The following DLG2 variants were observed in gnomAD, a reference collection of about 807,000 sequenced individuals.
DLG2 encodes discs large MAGUK scaffold protein 2, also known as disks large homolog 2.
Under a neutral mutation model 132.5 loss-of-function variants are expected in DLG2, and 45 were observed. The observed-to-expected ratio is 0.34, with a 90% CI of 0.27 to 0.44. The LOEUF (loss-of-function observed/expected upper bound fraction) is 0.44, where lower values mean the gene tolerates loss of function less well. DLG2 is among the 20% of genes least tolerant of loss of function. The pLI is 1.00. For missense variants in DLG2, 1,045 were observed against 1,196.9 expected (o/e 0.87, Z 1.87); for synonymous variants, 424 against 419.6 (o/e 1.01, Z -0.13).
chr11:84,960,663 T>C (rs953837808), intron 6 of DLG2, among the ~76,000 whole-genome samples: 10 of 152,082 alleles, frequency 6.6e-5, no homozygotes, highest in Admixed American at 2.6e-4. Context: ...GGTCTCAAAC[T>C]CCTGAGCTCA....
chr11:85,488,692 G>A (rs894097045), intron 3 of DLG2, among the ~76,000 whole-genome samples: 3 of 152,138 alleles, frequency 2.0e-5, no homozygotes, highest in Non-Finnish European at 2.9e-5. Flanking sequence ...AGAAGAGAAT[G>A]GAATGACATA....
At chr11:83,461,826 G>T in intron 27 of DLG2, 176 bp downstream of exon 27, 2 of 563,164 alleles carry the variant, frequency 3.6e-6, no homozygotes, top group Admixed American at 2.9e-5. Flanking sequence ...GAGAACCCAG[G>T]GTTTTACATC....
At chr11:84,327,710 T>TC (rs2098439417) in intron 7 of DLG2, among the ~76,000 whole-genome samples, 2 of 152,156 alleles carry the variant, frequency 1.3e-5, no homozygotes, top group African/African-American at 2.4e-5. Flanking sequence ...CTTTTACTCT[T>TC]CCCCCCACAT....
At chr11:83,707,797 A>G (rs552783886) in intron 18 of DLG2, among the ~76,000 whole-genome samples, 1 of 152,352 alleles carries the variant, frequency 6.6e-6, no homozygotes, top group South Asian at 2.1e-4. Flanking sequence ...ACCCTGTCTT[A>G]ATCATCTTTA....
intron 3 of DLG2, among the ~76,000 whole-genome samples, chr11:85,470,353 A>G (rs1157533603): frequency 6.6e-6 from 1 of 152,194 alleles, no homozygotes. Context: ...TTTATGAGCT[A>G]GGCCACAAAG....
intron 6 of DLG2, among the ~76,000 whole-genome samples, chr11:85,098,182 G>A (rs1229780524): frequency 6.6e-6 from 1 of 152,186 alleles, no homozygotes; most frequent in Non-Finnish European, 1.5e-5. Context: ...AGTAAGCAGT[G>A]GAGATAGGAT....
chr11:84,120,198 A>C (rs1304244695), intron 9 of DLG2, among the ~76,000 whole-genome samples: 2 of 152,164 alleles, frequency 1.3e-5, no homozygotes, highest in Non-Finnish European at 2.9e-5. Flanking sequence ...CCCATTTATC[A>C]ACTATAAAAC....
At chr11:83,940,230 A>G (rs535209445) in intron 14 of DLG2, among the ~76,000 whole-genome samples, 2 of 152,322 alleles carry the variant, frequency 1.3e-5, no homozygotes, top group African/African-American at 4.8e-5. Flanking sequence ...CCTGGTTTCT[A>G]TCAGGGTCTA....
chr11:84,910,163 A>G (rs927784322), intron 6 of DLG2, among the ~76,000 whole-genome samples: 1 of 152,204 alleles, frequency 6.6e-6, no homozygotes, highest in Non-Finnish European at 1.5e-5. Flanking sequence ...CTGAGTGATT[A>G]AAGATCAACC....
chr11:84,764,958 C>G (rs2068197427), intron 6 of DLG2, among the ~76,000 whole-genome samples: 1 of 152,014 alleles, frequency 6.6e-6, no homozygotes, highest in African/African-American at 2.4e-5. Context: ...CTGGAGAAAA[C>G]AAAGGAACTT....
intron 6 of DLG2, among the ~76,000 whole-genome samples, chr11:84,733,217 C>T (rs1214568764): frequency 6.6e-6 from 1 of 152,186 alleles, no homozygotes; most frequent in Non-Finnish European, 1.5e-5. Context: ...AATCGACACA[C>T]TGACTTCCAC....
At chr11:84,741,491 ACACCACCAC>A (rs896260940) in intron 6 of DLG2, among the ~76,000 whole-genome samples, 2 of 151,206 alleles carry the variant, frequency 1.3e-5, no homozygotes, top group Non-Finnish European at 2.9e-5. Context: ...TGGCAAAGTC[ACACCACCAC>A]CACCACCACC....
At chr11:85,339,641 T>G (rs980067507) in intron 3 of DLG2, among the ~76,000 whole-genome samples, 10 of 152,374 alleles carry the variant, frequency 6.6e-5, no homozygotes, top group South Asian at 4.1e-4. Context: ...TTTTATTTCT[T>G]GTGAATTTTC....
chr11:84,591,299 A>G lies in DLG2; in HGVS notation c.358-56568T>C, dbSNP rs1263018928. 2.7e-5 allele frequency among the ~76,000 whole-genome samples: 4 copies of G among 150,046 alleles called. No individual in the cohort carries two copies. The Admixed American group carries it at 2.7e-4, about 10-fold the overall frequency. On this transcript the variant is annotated intron_variant, in intron 6 of 27. Transcript: ENST00000376104. ...ACATAATATTGATCAGGGAAAATAC[A>G]AAAGACCATGCCTTGTTTTTTTTTT... is the stretch of plus-strand genomic sequence containing the variant.
intron 21 of DLG2, among the ~76,000 whole-genome samples, chr11:83,520,676 C>A (rs867703334): frequency 0.011 from 800 of 73,618 alleles, 10 homozygotes; most frequent in African/African-American, 0.031. Context: ...GAAAGAAAGA[C>A]AGACAGGTAA....
chr11:84,973,201 TGCCTGCCTCA>T (rs2054357611), intron 6 of DLG2, among the ~76,000 whole-genome samples: 1 of 152,014 alleles, frequency 6.6e-6, no homozygotes, highest in African/African-American at 2.4e-5. Flanking sequence ...TCAGGTGATC[TGCCTGCCTCA>T]GCCTCCCAAA....
chr11:84,958,236 C>G, intron 6 of DLG2, among the ~76,000 whole-genome samples: 1 of 152,162 alleles, frequency 6.6e-6, no homozygotes, highest in South Asian at 2.1e-4. Context: ...CCCACCCTGG[C>G]AAATTCCAGT....
At chr11:83,789,299 G>T (rs1368605629) in intron 17 of DLG2, among the ~76,000 whole-genome samples, 1 of 131,830 alleles carries the variant, frequency 7.6e-6, no homozygotes, top group Admixed American at 9.0e-5. Flanking sequence ...TTGAAAATGG[G>T]CCATTTAAAA....
At chr11:84,473,380 T>A (rs540962089) in intron 7 of DLG2, among the ~76,000 whole-genome samples, 57 of 152,086 alleles carry the variant, frequency 3.7e-4, no homozygotes, top group African/African-American at 1.3e-3. Flanking sequence ...CAGAATGACA[T>A]GAAGCTTCTT....
Sources: allele counts gnomAD v4.1 joint callset (sites outside exome capture counted in the v4.1 genomes callset), GRCh38; gene constraint gnomAD v4.1.1; transcripts MANE v1.5; gene names NCBI Gene and HGNC (gene_info 2026-07-23, HGNC 2026-07-21).